AP4E1: variants seen among roughly 807,000 people sequenced by gnomAD.
The protein encoded by AP4E1 is adaptor related protein complex 4 subunit epsilon 1.
Under a neutral mutation model 128.2 loss-of-function variants are expected in AP4E1, and 56 were observed. The observed-to-expected ratio is 0.44, with a 90% CI of 0.35 to 0.55. AP4E1 has a LOEUF of 0.55. Among genes scored for constraint, AP4E1 ranks in the 20% least tolerant of loss-of-function variants. The pLI, the probability that AP4E1 is intolerant of heterozygous loss-of-function variation, is 0.00. For missense variants in AP4E1, 1,324 were observed against 1,307.7 expected, an observed-to-expected ratio of 1.01 and a Z score of -0.19; for synonymous variants, 484 against 473.1, an observed-to-expected ratio of 1.02 and a Z score of -0.30.
Position 50,958,530 on chromosome 15 carries a change from G to C in AP4E1, c.1587G>C (p.Thr529=), listed in dbSNP as rs758271892. 6.8e-6 allele frequency: 11 copies of C among 1,613,522 alleles called. No homozygotes were observed. Among genetic ancestry groups the C allele is most frequent in the Non-Finnish European group, 9.3e-6 (11 of 1,179,750 alleles). ...ATTCCTACCTCTTAGATAAGGAAAC[G>C]CCAGAGGAAGTTATAGCTAAGCTCT... ...GEYSYLLDKE[T]PEEVIAKLYK... is the part of the protein sequence containing the mutation. Residue 529 remains threonine, a synonymous_variant, in exon 14 of 21, where the codon ACG becomes ACC. Transcript: ENST00000261842.
intron 8 of AP4E1, among the ~76,000 whole-genome samples, chr15:50,939,709 A>G (rs2063957604): frequency 6.6e-6 from 1 of 152,204 alleles, no homozygotes; most frequent in South Asian, 2.1e-4. Context: ...ATAAACGTTT[A>G]AATTTTGGAT....
At chr15:50,965,754 A>G (rs964857428) in intron 14 of AP4E1, among the ~76,000 whole-genome samples, 3 of 152,148 alleles carry the variant, frequency 2.0e-5, no homozygotes, top group African/African-American at 4.8e-5. Context: ...TTTCCCTTTT[A>G]TTTTGTCAAT....
intron 5 of AP4E1, among the ~76,000 whole-genome samples, chr15:50,928,274 C>T (rs1028513152): frequency 2.0e-5 from 3 of 151,860 alleles, no homozygotes; most frequent in South Asian, 2.1e-4. Flanking sequence ...AGAATGTTAA[C>T]GAGTTTTTTT....
chr15:50,921,904 A>G (rs1197475705), intron 3 of AP4E1, among the ~76,000 whole-genome samples: 7 of 152,098 alleles, frequency 4.6e-5, no homozygotes, highest in Non-Finnish European at 4.4e-5. Flanking sequence ...AACAGAAAGA[A>G]CTAAGGTTTC....
chr15:50,965,165 TA>T (rs778653686), intron 14 of AP4E1, among the ~76,000 whole-genome samples: 1 of 152,148 alleles, frequency 6.6e-6, no homozygotes, highest in African/African-American at 2.4e-5. Context: ...TTTTTTCTTA[TA>T]AATTACCCAG....
intron 15 of AP4E1, 53 bp downstream of exon 15, chr15:50,968,430 TA>T: frequency 1.6e-6 from 2 of 1,230,772 alleles, no homozygotes; most frequent in South Asian, 2.6e-5. Context: ...TAATTTTTGA[TA>T]TTATAGTCAT....
At position 50,997,677 on chromosome 15, in the gene AP4E1, A is replaced by C; in HGVS notation, c.2698A>C (p.Ser900Arg). Residue 900 changes from serine (S) to arginine (R), a missense_variant, in exon 18 of 21, where the codon AGC becomes CGC. Ser to Arg is a moderately radical substitution (Grantham distance 110). Coordinates refer to ENST00000261842, the MANE Select transcript of AP4E1 (RefSeq NM_007347.5). Reference sequence around the variant, plus strand: ...TACTGCAGCCTCAGTTGCCAAGGAAAGCTCTTTAGCTTCATCTTTTTTGGA... The same window carrying C: ...TACTGCAGCCTCAGTTGCCAAGGAACGCTCTTTAGCTTCATCTTTTTTGGA... Reference protein sequence around the residue: ...QSTAASVAKESSLASSFLEET... With the variant: ...QSTAASVAKERSLASSFLEET... 6.2e-7 allele frequency: 1 copy of C among 1,614,060 alleles called. No homozygotes were observed. The highest frequency in any genetic ancestry group is 8.5e-7 in the Non-Finnish European group (1 of 1,179,988).
chr15:50,993,887 G>A (rs761487414), intron 17 of AP4E1, among the ~76,000 whole-genome samples: 1 of 152,182 alleles, frequency 6.6e-6, no homozygotes, highest in Non-Finnish European at 1.5e-5. Flanking sequence ...TCCAAATAAG[G>A]TTACAGGTAT....
chr15:50,961,179 AAAG>A (rs1375623126), intron 14 of AP4E1, among the ~76,000 whole-genome samples: 2 of 152,092 alleles, frequency 1.3e-5, no homozygotes, highest in Non-Finnish European at 2.9e-5. Context: ...GCAAATTTAT[AAAG>A]AAGAACTAGC....
Position 50,927,676 on chromosome 15 carries a change from T to C in AP4E1, c.543-1333T>C, listed in dbSNP as rs558955791. Among the ~76,000 whole-genome samples the C allele has an allele frequency of 3.5e-4, 54 of 152,206 alleles. 1 individual carries two copies. Among genetic ancestry groups the C allele is most frequent in the African/African-American group, 1.1e-3 (45 of 41,528 alleles). ...ATCTGCCTTTCTTTTCTTTTCTTTT[T>C]TTTTTTGTGAAGAGTTTTCCGTTAT... On this transcript the variant is annotated intron_variant, in intron 5 of 20. Transcript: ENST00000261842.
intron 13 of AP4E1, among the ~76,000 whole-genome samples, chr15:50,956,555 A>T (rs2064225511): frequency 6.6e-6 from 1 of 152,218 alleles, no homozygotes; most frequent in Non-Finnish European, 1.5e-5. Context: ...CAGGAAACTT[A>T]AAATCAAGGC....
At chr15:50,921,395 C>A (rs1012757808) in intron 3 of AP4E1, among the ~76,000 whole-genome samples, 2 of 152,028 alleles carry the variant, frequency 1.3e-5, no homozygotes, top group African/African-American at 4.8e-5. Flanking sequence ...GTCACCCAGG[C>A]TGGAGTGCAG....
chr15:50,921,333 A>G (rs1037814031), intron 3 of AP4E1, among the ~76,000 whole-genome samples: 4 of 151,676 alleles, frequency 2.6e-5, no homozygotes, highest in Non-Finnish European at 2.9e-5. Context: ...CTGAGATAGT[A>G]TTTATCTTCA....
At chr15:50,975,314 A>AGGCTGCCTTGAGAGGCT (rs2064536953) in intron 15 of AP4E1, among the ~76,000 whole-genome samples, 1 of 152,204 alleles carries the variant, frequency 6.6e-6, no homozygotes, top group Non-Finnish European at 1.5e-5. Flanking sequence ...CTGAGGCAGG[A>AGGCTGCCTTGAGAGGCT]GAATCACTTG....
intron 13 of AP4E1, among the ~76,000 whole-genome samples, chr15:50,953,008 A>G (rs1171266990): frequency 6.6e-6 from 1 of 152,140 alleles, no homozygotes; most frequent in Non-Finnish European, 1.5e-5. Flanking sequence ...GCTTGAAGCC[A>G]GAGTTTGAGA....
At chr15:50,933,195 A>G (rs1277859444) in intron 7 of AP4E1, among the ~76,000 whole-genome samples, 1 of 152,180 alleles carries the variant, frequency 6.6e-6, no homozygotes, top group Non-Finnish European at 1.5e-5. Context: ...AATAGAGTGG[A>G]ACTTTCTTAT....
In AP4E1 at chr15:51,005,518, A is replaced by C. The variant is rs2065008464; in HGVS notation, c.*2856A>C. The C allele has an allele frequency of 6.6e-6, 1 of 152,622 alleles. No homozygotes were observed. The highest frequency in any genetic ancestry group is 2.4e-5 in the African/African-American group (1 of 41,444). The allele number at this position is 152,622 out of a possible 1,614,324, so 9.5% of individuals were successfully genotyped here. A position where few individuals can be genotyped will look rare whatever the true frequency, so the allele number is the denominator to read the frequency against. ...GAAGCTGAGCAGTTACCAACTGCTA[A>C]TGTGCCAAGTATACCAAGCACAGCA... is the stretch of plus-strand genomic sequence containing the variant. On this transcript the variant is annotated 3_prime_UTR_variant, in exon 21 of 21. Coordinates refer to ENST00000261842, the MANE Select transcript of AP4E1 (RefSeq NM_007347.5).
intron 10 of AP4E1, chr15:50,945,622 C>T: frequency 1.3e-6 from 1 of 765,628 alleles, no homozygotes. Flanking sequence ...GGAGGTATAT[C>T]ACACAAAGCG....
At position 50,948,126 on chromosome 15, in the gene AP4E1, A is replaced by G. The variant is rs116796602; in HGVS notation, c.1283A>G (p.Asn428Ser). ...AGCAAAGAAGAGTATGTCATCGTCA[A>G]TTTGGTCGGCAAAATAGCAGAGCTG... ...HQSKEEYVIVNLVGKIAELAE... is the reference protein window; with the variant it reads ...HQSKEEYVIVSLVGKIAELAE... The change falls in exon 11 of 21, where the codon AAT (asparagine) becomes AGT (serine). Residue 428 changes from asparagine to serine, a missense_variant. By Grantham distance (46) the Asn-to-Ser change is conservative. Transcript: ENST00000261842. The G allele has an allele frequency of 8.4e-4, 1,363 of 1,613,988 alleles. 11 individuals are homozygous for G. In the African/African-American group the frequency reaches 0.016, roughly 19 times the overall value.
Sources: allele counts gnomAD v4.1 joint callset (sites outside exome capture counted in the v4.1 genomes callset), GRCh38; gene constraint gnomAD v4.1.1; transcripts MANE v1.5; gene names NCBI Gene and HGNC (gene_info 2026-07-23, HGNC 2026-07-21).